The following AMPH variants were observed in gnomAD, a reference collection of about 807,000 sequenced individuals.
AMPH encodes amphiphysin (Stiff-Mann syndrome with breast cancer 128kD autoantigen).
Under a neutral mutation model 99.1 loss-of-function variants are expected in AMPH, and 49 were observed. The ratio of observed to expected loss-of-function variants is 0.49; its 90% CI spans 0.39 to 0.63. The LOEUF is 0.63. AMPH is among the 20% of genes least tolerant of loss of function. AMPH has a pLI of 0.00. For synonymous variants in AMPH, 314 were observed against 317.3 expected (o/e 0.99, Z 0.11); for missense variants, 759 against 863.4 (o/e 0.88, Z 1.52).
intron 2 of AMPH, among the ~76,000 whole-genome samples, chr7:38,527,360 T>C (rs1181534135): frequency 6.6e-6 from 1 of 152,244 alleles, no homozygotes; most frequent in Non-Finnish European, 1.5e-5. Flanking sequence ...ACATGTTTAC[T>C]GTGTTGAGGC....
intron 17 of AMPH, among the ~76,000 whole-genome samples, chr7:38,408,401 C>T (rs1785113005): frequency 6.6e-6 from 1 of 152,080 alleles, no homozygotes; most frequent in Admixed American, 6.5e-5. Flanking sequence ...TCACAAAATG[C>T]CTCTTAATCA....
At chr7:38,392,104 C>A in intron 18 of AMPH, 87 bp from the exon 19 acceptor site, 1 of 1,404,814 alleles carries the variant, frequency 7.1e-7, no homozygotes, top group South Asian at 1.3e-5. Context: ...AGCCCCCAGC[C>A]CAAAGCTGGG....
intron 1 of AMPH, among the ~76,000 whole-genome samples, chr7:38,606,217 G>A (rs1271866869): frequency 6.6e-6 from 1 of 152,112 alleles, no homozygotes; most frequent in Non-Finnish European, 1.5e-5. Context: ...ATTGTGGTGA[G>A]ATTCAAATAA....
chr7:38,555,976 G>C (rs535312286), intron 1 of AMPH, among the ~76,000 whole-genome samples: 16 of 152,154 alleles, frequency 1.1e-4, no homozygotes, highest in African/African-American at 3.9e-4. Flanking sequence ...TGTGGGGAAG[G>C]AGGAGGGAAG....
Position 38,475,354 on chromosome 7 carries a change from T to C in AMPH, c.567A>G (p.Glu189=). 6.2e-7 allele frequency: 1 copy of C among 1,612,990 alleles called. No homozygotes were observed. Among genetic ancestry groups the C allele is most frequent in the Non-Finnish European group, 8.5e-7 (1 of 1,179,306 alleles). The change falls in exon 7 of 21, where the codon GAA becomes GAG. Residue 189 remains glutamate, a synonymous_variant. Transcript: ENST00000356264. ...ACCTTGACCATAATGATGGTAACTC[T>C]TCTTGTAAGTCAACGTTAAACTCTT... ...VFEEFNVDLQ[E]ELPSLWSRRV... is the part of the protein sequence containing the mutation.
intron 1 of AMPH, among the ~76,000 whole-genome samples, chr7:38,613,199 C>A (rs1793746110): frequency 6.6e-6 from 1 of 152,194 alleles, no homozygotes; most frequent in South Asian, 2.1e-4. Context: ...TTCTGAACTG[C>A]TTCCAAATAA....
At chr7:38,531,354 T>C (rs1392243313) in intron 2 of AMPH, 1 of 152,220 alleles carries the variant, frequency 6.6e-6, no homozygotes, top group Non-Finnish European at 1.5e-5. Context: ...CTTGTTTTAA[T>C]TAAGTAGTTT....
chr7:38,611,479 AT>A (rs545123490), intron 1 of AMPH, among the ~76,000 whole-genome samples: 19 of 151,858 alleles, frequency 1.3e-4, no homozygotes, highest in Admixed American at 7.2e-4. Context: ...TACCACAATA[AT>A]TTTTTTTTAC....
At chr7:38,388,836 G>T (rs1480239245) in intron 20 of AMPH, among the ~76,000 whole-genome samples, 1 of 152,006 alleles carries the variant, frequency 6.6e-6, no homozygotes, top group Non-Finnish European at 1.5e-5. Flanking sequence ...TAGAGATGAG[G>T]TCTTGCTATG....
At chr7:38,596,162 G>A (rs934414257) in intron 1 of AMPH, among the ~76,000 whole-genome samples, 1 of 152,188 alleles carries the variant, frequency 6.6e-6, no homozygotes, top group East Asian at 1.9e-4. Flanking sequence ...ACTTTAGCTT[G>A]GATGTGAGCA....
At chr7:38,410,596 G>T (rs1176657536) in intron 17 of AMPH, among the ~76,000 whole-genome samples, 1 of 152,184 alleles carries the variant, frequency 6.6e-6, no homozygotes, top group Non-Finnish European at 1.5e-5. Flanking sequence ...GTTACTACAA[G>T]GAATTTTTAA....
chr7:38,438,105 A>G (rs747733183), intron 11 of AMPH, among the ~76,000 whole-genome samples: 1 of 152,244 alleles, frequency 6.6e-6, no homozygotes, highest in Non-Finnish European at 1.5e-5. Flanking sequence ...GGTAAAAATT[A>G]TATTTTTAAA....
At chr7:38,526,706 C>T (rs1010809597) in intron 2 of AMPH, among the ~76,000 whole-genome samples, 1 of 152,064 alleles carries the variant, frequency 6.6e-6, no homozygotes, top group Non-Finnish European at 1.5e-5. Flanking sequence ...TATTTTCTCC[C>T]AGTCCATAGC....
chr7:38,436,067 G>A (rs1315748046), intron 12 of AMPH, among the ~76,000 whole-genome samples: 2 of 152,148 alleles, frequency 1.3e-5, no homozygotes, highest in African/African-American at 4.8e-5. Context: ...CAGCTCTATG[G>A]GTAGAGAAAG....
intron 11 of AMPH, among the ~76,000 whole-genome samples, chr7:38,437,840 G>A (rs1359047839): frequency 2.6e-5 from 4 of 151,878 alleles, no homozygotes; most frequent in Admixed American, 6.6e-5. Flanking sequence ...AAAGAAAAGC[G>A]AGGTGGTATA....
At chr7:38,603,128 C>A (rs1280272208) in intron 1 of AMPH, among the ~76,000 whole-genome samples, 3 of 151,930 alleles carry the variant, frequency 2.0e-5, no homozygotes, top group Non-Finnish European at 2.9e-5. Context: ...CCAGCCTGGG[C>A]AACATGGCGA....
rs759340289 is a variant in AMPH at position 38,393,980 on chromosome 7, C to T, written c.1608+25G>A. 1.9e-6 allele frequency: 3 copies of T among 1,613,476 alleles called. No homozygotes were observed. The South Asian group carries it at 3.3e-5, about 18-fold the overall frequency. ...GCCCATGCTACTTCCCAGGAGCTCC[C>T]CTGGCTGCGACATGGGACACTCACC... is the stretch of plus-strand genomic sequence containing the variant. On this transcript the variant is annotated intron_variant, in intron 18 of 20. Transcript: ENST00000356264.
At chr7:38,402,273 G>T (rs1024605184) in intron 17 of AMPH, among the ~76,000 whole-genome samples, 14 of 152,004 alleles carry the variant, frequency 9.2e-5, no homozygotes, top group Non-Finnish European at 5.9e-5. Context: ...AAAAAGGAAG[G>T]CAATTTTCAA....
intron 11 of AMPH, among the ~76,000 whole-genome samples, chr7:38,446,502 G>A (rs935829592): frequency 5.3e-5 from 8 of 152,182 alleles, no homozygotes; most frequent in South Asian, 4.1e-4. Flanking sequence ...AATGAATTTC[G>A]TAATCCAAAA....
Sources: allele counts gnomAD v4.1 joint callset (sites outside exome capture counted in the v4.1 genomes callset), GRCh38; gene constraint gnomAD v4.1.1; transcripts MANE v1.5; gene names NCBI Gene and HGNC (gene_info 2026-07-23, HGNC 2026-07-21).